Variants in SLC16A2 observed in about 807,000 individuals in gnomAD.
The protein encoded by SLC16A2 is monocarboxylate transporter 8.
A neutral mutation model predicts 27.2 loss-of-function variants in SLC16A2; 3 were observed. That is an observed-to-expected ratio of 0.11 (90% CI 0.05 to 0.28). The LOEUF (loss-of-function observed/expected upper bound fraction) is 0.28. Among genes scored for constraint, SLC16A2 ranks in the 10% least tolerant of loss-of-function variants. SLC16A2 has a pLI of 1.00. For missense variants in SLC16A2, 295 were observed against 458.5 expected, an observed-to-expected ratio of 0.64 and a Z score of 3.26; for synonymous variants, 202 against 187.8, an observed-to-expected ratio of 1.08 and a Z score of -0.62.
intron 1 of SLC16A2, among the ~76,000 whole-genome samples, chrX:74,482,451 C>T (rs773087548): frequency 3.6e-5 from 4 of 111,000 alleles, no homozygotes; most frequent in Admixed American, 9.6e-5. Flanking sequence ...TTAATAATGC[C>T]CCACATTTCT....
chrX:74,427,568 C>T (rs988389382), intron 1 of SLC16A2, among the ~76,000 whole-genome samples: 2 of 111,883 alleles, frequency 1.8e-5, no homozygotes, highest in Non-Finnish European at 3.8e-5. Flanking sequence ...CCATATCAAC[C>T]TTTTGAGCAG....
At chrX:74,509,070 C>T (rs1344250206) in intron 1 of SLC16A2, among the ~76,000 whole-genome samples, 1 of 111,159 alleles carries the variant, frequency 9.0e-6, no homozygotes, top group Non-Finnish European at 1.9e-5. Context: ...TCAGGTGATC[C>T]TACTGACTCA....
chrX:74,433,393 C>T (rs1196865828), intron 1 of SLC16A2, among the ~76,000 whole-genome samples: 1 of 109,410 alleles, frequency 9.1e-6, no homozygotes, highest in African/African-American at 3.3e-5. Flanking sequence ...AAAAAGTACC[C>T]GTGCAGATTT....
chrX:74,480,896 T>A (rs1016631362), intron 1 of SLC16A2, among the ~76,000 whole-genome samples: 3 of 112,084 alleles, frequency 2.7e-5, no homozygotes, highest in African/African-American at 6.5e-5. Context: ...GTTGAAAAAA[T>A]TCCCTTTTAT....
At chrX:74,422,485 G>A (rs1269541358) in intron 1 of SLC16A2, among the ~76,000 whole-genome samples, 1 of 108,883 alleles carries the variant, frequency 9.2e-6, no homozygotes, top group Admixed American at 9.8e-5. Flanking sequence ...GAGAGGCGGG[G>A]CGGGCTCTGA....
chrX:74,429,048 A>G lies in SLC16A2; in HGVS notation c.430+6981A>G, dbSNP rs1436544290. Among the ~76,000 whole-genome samples, 3 of 111,276 alleles carry G rather than the reference A, an allele frequency of 2.7e-5. No homozygotes were observed. The East Asian group carries it at 8.5e-4, about 31-fold the overall frequency. Reference sequence around the variant, plus strand: ...GTAGAGGGGTCAGAGAAGGGAGAAGACAGACACTCAAGTCCTAACGAGAGT... The same window carrying G: ...GTAGAGGGGTCAGAGAAGGGAGAAGGCAGACACTCAAGTCCTAACGAGAGT... On this transcript the variant is annotated intron_variant, in intron 1 of 5. Transcript: ENST00000587091.
chrX:74,524,416 C>A lies in SLC16A2; in HGVS notation c.633C>A (p.Phe211Leu). 8.3e-7 allele frequency: 1 copy of A among 1,211,767 alleles called. No individual in the cohort carries two copies. Among genetic ancestry groups the A allele is most frequent in the Non-Finnish European group, 1.1e-6 (1 of 895,555 alleles). ...YGILFGCGCSFAFQPSLVILG... is the reference protein window; with the variant it reads ...YGILFGCGCSLAFQPSLVILG... ...TTCTCTTTGGTTGTGGCTGTTCCTT[C>A]GCCTTTCAGCCATCCCTCGTCATCC... is the stretch of plus-strand genomic sequence containing the variant. The change falls in exon 3 of 6, where the codon TTC becomes TTA. Residue 211 changes from phenylalanine (F) to leucine (L), a missense_variant. Physicochemically the swap from Phe to Leu is conservative, Grantham distance 22. Coordinates refer to ENST00000587091, the MANE Select transcript of SLC16A2 (RefSeq NM_006517.5).
chrX:74,469,313 G>A (rs778854226), intron 1 of SLC16A2, among the ~76,000 whole-genome samples: 1 of 111,784 alleles, frequency 8.9e-6, no homozygotes, highest in Non-Finnish European at 1.9e-5. Flanking sequence ...TGGATATACT[G>A]AGTTTTCTTC....
At chrX:74,524,274 A>G (rs767315564) in intron 2 of SLC16A2, 85 bp from the exon 3 acceptor site, 1 of 999,872 alleles carries the variant, frequency 1.0e-6, no homozygotes, top group Non-Finnish European at 1.4e-6. Flanking sequence ...GGGCGGAGGA[A>G]TGGAAGTCTC....
chrX:74,477,454 T>A (rs184974112), intron 1 of SLC16A2, among the ~76,000 whole-genome samples: 330 of 111,855 alleles, frequency 3.0e-3, no homozygotes, highest in Non-Finnish European at 4.3e-3. Context: ...TTGATTTTTT[T>A]AAGGGGTTTT....
chrX:74,447,090 A>C (rs1185536686), intron 1 of SLC16A2, among the ~76,000 whole-genome samples: 3 of 112,199 alleles, frequency 2.7e-5, no homozygotes, highest in African/African-American at 9.7e-5. Flanking sequence ...ACTTGTTTGC[A>C]ACAGAGAATG....
At position 74,421,601 on chromosome X, in the gene SLC16A2, C is replaced by T. The variant is rs776051447; in HGVS notation, c.-37C>T. On this transcript the variant is annotated 5_prime_UTR_variant, in exon 1 of 6. Coordinates refer to ENST00000587091, the MANE Select transcript of SLC16A2 (RefSeq NM_006517.5). ...GAAACAAGTACCAGCCACAAAGCGG[C>T]TCCTCTGGCCCAAGCAGCCACAGTC... 5 of 1,198,495 alleles carry T rather than the reference C, an allele frequency of 4.2e-6. No homozygotes were observed. The African/African-American group carries it at 7.0e-5, about 17-fold the overall frequency.
intron 1 of SLC16A2, among the ~76,000 whole-genome samples, chrX:74,518,616 GA>G (rs1005081766): frequency 6.4e-5 from 7 of 110,143 alleles, no homozygotes; most frequent in African/African-American, 1.6e-4. Flanking sequence ...AAAAAGAAAA[GA>G]AAAAAGGCTT....
intron 2 of SLC16A2, among the ~76,000 whole-genome samples, chrX:74,521,982 C>T (rs1429650292): frequency 2.7e-5 from 3 of 111,764 alleles, no homozygotes; most frequent in Non-Finnish European, 5.6e-5. Context: ...AGAATAAATA[C>T]CCTAACCACA....
intron 1 of SLC16A2, among the ~76,000 whole-genome samples, chrX:74,476,786 A>T (rs1384675037): frequency 9.0e-6 from 1 of 111,540 alleles, no homozygotes; most frequent in Non-Finnish European, 1.9e-5. Context: ...ACGTTTATTG[A>T]TTTTTGTATG....
Position 74,529,401 on chromosome X carries a change from C to A in SLC16A2, c.1359C>A (p.Gly453=). The A allele has an allele frequency of 8.4e-7, 1 of 1,190,883 alleles. No individual in the cohort carries two copies. The highest frequency in any genetic ancestry group is 1.1e-6 in the Non-Finnish European group (1 of 883,925). ...CACAGGCCATTGGCTACCTCCTGGGCATGATGGCCCTGCCAATGATTGCTG... is the reference window on the plus strand; with the variant it reads ...CACAGGCCATTGGCTACCTCCTGGGAATGATGGCCCTGCCAATGATTGCTG... ...QASQAIGYLL[G]MMALPMIAGP... is the part of the protein sequence containing the mutation. Residue 453 remains glycine (G), a synonymous_variant, in exon 5 of 6, where the codon GGC becomes GGA. Coordinates refer to ENST00000587091, the MANE Select transcript of SLC16A2 (RefSeq NM_006517.5).
chrX:74,445,881 C>A lies in SLC16A2; in HGVS notation c.430+23814C>A, dbSNP rs190147250. Among the ~76,000 whole-genome samples the A allele has an allele frequency of 5.6e-4, 61 of 109,853 alleles. 3 individuals carry two copies. The East Asian group carries it at 7.9e-3, about 14-fold the overall frequency. ...CAGGATCCACTGCTGACTTCTCAGG[C>A]CTTATTTGCAAGGCTGCTTTAAAGG... is the stretch of plus-strand genomic sequence containing the variant. On this transcript the variant is annotated intron_variant, in intron 1 of 5. Coordinates refer to ENST00000587091, the MANE Select transcript of SLC16A2 (RefSeq NM_006517.5).
chrX:74,456,527 G>A (rs867576370), intron 1 of SLC16A2, among the ~76,000 whole-genome samples: 1 of 108,298 alleles, frequency 9.2e-6, no homozygotes, highest in African/African-American at 3.4e-5. Context: ...CCTGTGCAAC[G>A]ACAACAACAA....
chrX:74,463,561 T>C (rs1311017498), intron 1 of SLC16A2, among the ~76,000 whole-genome samples: 9 of 110,841 alleles, frequency 8.1e-5, no homozygotes, highest in African/African-American at 3.0e-4. Context: ...GAGTCTCACT[T>C]TGTCACCCAG....
Sources: allele counts gnomAD v4.1 joint callset (sites outside exome capture counted in the v4.1 genomes callset), GRCh38; gene constraint gnomAD v4.1.1; transcripts MANE v1.5; gene names NCBI Gene and HGNC (gene_info 2026-07-23, HGNC 2026-07-21).